TTLL12: variants seen among roughly 807,000 people sequenced by gnomAD.
TTLL12 encodes the protein tubulin--tyrosine ligase-like protein 12.
A neutral mutation model predicts 79.6 loss-of-function variants in TTLL12; 77 were observed. The ratio of observed to expected loss-of-function variants is 0.97; its 90% confidence interval spans 0.81 to 1.17. TTLL12 has a LOEUF of 1.17. Among genes scored for constraint, TTLL12 ranks in the 50% most tolerant of loss-of-function variants. The probability of loss-of-function intolerance (pLI) is 0.00; values close to 1 mark genes in which losing one functional copy is unlikely to be tolerated. For missense variants in TTLL12, 969 were observed against 895.9 expected (o/e 1.08, Z -1.04); for synonymous variants, 437 against 376.1 (o/e 1.16, Z -1.87).
chr22:43,170,050 CTT>C, intron 11 of TTLL12: 1 of 363,186 alleles, frequency 2.8e-6, no homozygotes. Context: ...GGCCTCAAGA[CTT>C]TACCCAAAAC....
At chr22:43,168,248 G>A in intron 13 of TTLL12, 89 bp from the exon 14 acceptor site, 2 of 1,534,190 alleles carry the variant, frequency 1.3e-6, no homozygotes, top group Non-Finnish European at 1.8e-6. Context: ...AAGGCTGGGA[G>A]GCCATGAACC....
intron 1 of TTLL12, among the ~76,000 whole-genome samples, chr22:43,183,897 T>C (rs1442904114): frequency 6.6e-6 from 1 of 152,266 alleles, no homozygotes; most frequent in Non-Finnish European, 1.5e-5. Context: ...CACCACTTCC[T>C]AGACAAGTGA....
At position 43,169,976 on chromosome 22, in the gene TTLL12, G is replaced by A. The variant is rs1027384351; in HGVS notation, c.1576-408C>T. On this transcript the variant is annotated intron_variant, in intron 11 of 13. Transcript: ENST00000216129. ...GAGGCAGAGCTCAAGACTCCGCCGCGGGACCTGCCTGTGCCCTGGTTCAGC... is the reference window on the plus strand; with the variant it reads ...GAGGCAGAGCTCAAGACTCCGCCGCAGGACCTGCCTGTGCCCTGGTTCAGC... The A allele has an allele frequency of 1.4e-5, 6 of 425,030 alleles. No homozygotes were observed. The East Asian group carries it at 3.5e-4, about 25-fold the overall frequency. 26.3% of individuals were successfully genotyped at this position (425,030 alleles called of 1,614,324 possible). A position where few individuals can be genotyped will look rare whatever the true frequency, so the allele number is the denominator to read the frequency against.
At chr22:43,172,630 A>AG in intron 9 of TTLL12, 76 bp from the exon 10 acceptor site, 1 of 1,549,394 alleles carries the variant, frequency 6.5e-7, no homozygotes, top group Non-Finnish European at 8.9e-7. Context: ...AAAGCCACGC[A>AG]GGGGGCACAG....
chr22:43,176,430 T>A, intron 5 of TTLL12, 34 bp from the exon 6 acceptor site: 6 of 1,564,038 alleles, frequency 3.8e-6, no homozygotes, highest in African/African-American at 1.3e-5. Context: ...AGAGATGAGG[T>A]CAAGGAAGGG....
At position 43,172,421 on chromosome 22, in the gene TTLL12, C is replaced by T; in HGVS notation, c.1475G>A (p.Trp492Ter). Residue 492 changes from tryptophan (W) to a stop codon, truncating the protein, a stop_gained, in exon 10 of 14, where the codon TGG becomes TAG. Coordinates refer to ENST00000216129, the MANE Select transcript of TTLL12 (RefSeq NM_015140.4). LOFTEE classifies it high-confidence loss of function. ...PLRLFVYDVF[W>*]LRFSNRAFAL... ...CACTTACCGGTTGGAGAACCGCAGCCAGAACACATCATACACGAACAACCG... is the reference window on the plus strand; with the variant it reads ...CACTTACCGGTTGGAGAACCGCAGCTAGAACACATCATACACGAACAACCG... 5 of 1,614,154 alleles carry T rather than the reference C, an allele frequency of 3.1e-6. No homozygotes were observed. Among genetic ancestry groups the T allele is most frequent in the Non-Finnish European group, 4.2e-6 (5 of 1,180,016 alleles).
At chr22:43,175,748 A>G (rs920158878) in intron 6 of TTLL12, 2 of 151,160 alleles carry the variant, frequency 1.3e-5, no homozygotes, top group Non-Finnish European at 2.9e-5. Flanking sequence ...AGTTCACTGC[A>G]GGCTCTGCCT....
In TTLL12 at chr22:43,172,515, G is replaced by A. The variant is rs1305488554; in HGVS notation, c.1381C>T (p.Arg461Ter). 4 of 1,614,040 alleles carry A rather than the reference G, an allele frequency of 2.5e-6. No homozygotes were observed. Among genetic ancestry groups the A allele is most frequent in the Admixed American group, 1.7e-5 (1 of 59,988 alleles). The change falls in exon 10 of 14, where the codon CGA becomes TGA. Residue 461 changes from arginine to a stop codon, truncating the protein, a stop_gained. Coordinates refer to ENST00000216129, the MANE Select transcript of TTLL12 (RefSeq NM_015140.4). LOFTEE classifies it high-confidence loss of function. The part of the protein sequence containing the change: ...KYIESPVLFL[R>*]EDVGKVKFDI... ...AACTTGACCTTTCCCACGTCTTCTCGAAGGAACAACACGGGACTTTCGATG... is the reference window on the plus strand; with the variant it reads ...AACTTGACCTTTCCCACGTCTTCTCAAAGGAACAACACGGGACTTTCGATG...
intron 3 of TTLL12, 70 bp from the exon 4 acceptor site, chr22:43,180,070 G>T: frequency 6.8e-7 from 1 of 1,472,824 alleles, no homozygotes; most frequent in Non-Finnish European, 9.0e-7. Context: ...CCGGAACCCA[G>T]ACATCGACCA....
At chr22:43,173,442 C>G (rs1032998622) in intron 9 of TTLL12, among the ~76,000 whole-genome samples, 5 of 152,210 alleles carry the variant, frequency 3.3e-5, no homozygotes, top group African/African-American at 1.2e-4. Context: ...TCCTGAGAAG[C>G]TGGGACTACA....
In TTLL12 at chr22:43,168,798, G is replaced by C; in HGVS notation, c.1759C>G (p.Leu587Val). 6.4e-7 allele frequency: 1 copy of C among 1,569,484 alleles called. No individual in the cohort carries two copies. The highest frequency in any genetic ancestry group is 2.4e-5 in the East Asian group (1 of 42,198). The stretch of plus-strand genomic sequence containing the variant: ...CCATCTGGGCCGTTGTCCCACTTCA[G>C]CATGAGGTCGACGGCATACATGGCC... ...SRAMYAVDLM[L>V]KWDNGPDGRR... is the part of the protein sequence containing the mutation. The change falls in exon 13 of 14, where the codon CTG (leucine) becomes GTG (valine). Residue 587 changes from leucine (L) to valine (V), a missense_variant. Transcript: ENST00000216129.
rs911121704 is a variant in TTLL12, at chr22:43,167,484, G to A, written c.*524C>T. The A allele has an allele frequency of 7.9e-6, 2 of 253,486 alleles. No homozygotes were observed. Among genetic ancestry groups the A allele is most frequent in the Non-Finnish European group, 7.9e-6 (1 of 126,780 alleles). 15.7% of individuals were successfully genotyped at this position (253,486 alleles called of 1,614,324 possible). On this transcript the variant is annotated 3_prime_UTR_variant, in exon 14 of 14. Transcript: ENST00000216129. ...CTGGGCCCCTGTCGCATAGAGCCCTGTGGGTGCAGTGTGGGGCCCCACAGC... is the reference window on the plus strand; with the variant it reads ...CTGGGCCCCTGTCGCATAGAGCCCTATGGGTGCAGTGTGGGGCCCCACAGC...
chr22:43,175,884 C>T (rs1931894935), intron 6 of TTLL12, among the ~76,000 whole-genome samples: 1 of 138,346 alleles, frequency 7.2e-6, no homozygotes, highest in Non-Finnish European at 1.5e-5. Context: ...GACGGGCTTT[C>T]ACCATGCTGG....
At chr22:43,180,650 G>C (rs1217523109) in intron 3 of TTLL12, 92 bp downstream of exon 3, 2 of 1,417,008 alleles carry the variant, frequency 1.4e-6, no homozygotes, top group Non-Finnish European at 2.0e-6. Context: ...GCTTGCTCTG[G>C]CCGGCCCCTC....
intron 2 of TTLL12, 89 bp downstream of exon 2, chr22:43,182,891 C>T (rs753164864): frequency 6.7e-6 from 10 of 1,486,306 alleles, no homozygotes; most frequent in East Asian, 2.4e-5. Context: ...TGTCCAGCGG[C>T]GGTGCAGGGC....
Position 43,179,997 on chromosome 22 carries a change from C to A in TTLL12, c.550G>T (p.Ala184Ser). The change falls in exon 4 of 14, where the codon GCT becomes TCT. Residue 184 changes from alanine (A) to serine (S), a missense_variant. Ala to Ser is a moderately conservative substitution (Grantham distance 99). Coordinates refer to ENST00000216129, the MANE Select transcript of TTLL12 (RefSeq NM_015140.4). ...TACCACACCGGCATCTTCTCCTCAG[C>A]TGTCTGCAGACAGAGCACATATGGC... Reference protein sequence around the residue: ...NQTYQLAHGTAEEKMPVWYIM... With the variant: ...NQTYQLAHGTSEEKMPVWYIM... 1 of 1,594,640 alleles carries A rather than the reference C, an allele frequency of 6.3e-7. No homozygotes were observed. Among genetic ancestry groups the A allele is most frequent in the Non-Finnish European group, 8.5e-7 (1 of 1,172,690 alleles).
At chr22:43,176,655 G>A (rs577972030) in intron 5 of TTLL12, among the ~76,000 whole-genome samples, 35 of 149,716 alleles carry the variant, frequency 2.3e-4, no homozygotes, top group Admixed American at 1.1e-3. Flanking sequence ...GCTTGAACCC[G>A]GGAGGCGGAG....
At chr22:43,186,058 G>T (rs1012223509) in intron 1 of TTLL12, 1 of 980,338 alleles carries the variant, frequency 1.0e-6, no homozygotes, top group East Asian at 1.1e-4. Context: ...CCAGGCTCAG[G>T]GACTCCTAGT....
chr22:43,174,071 G>A (rs1229990489), intron 8 of TTLL12, 138 bp downstream of exon 8: 4 of 1,219,660 alleles, frequency 3.3e-6, no homozygotes, highest in Non-Finnish European at 4.6e-6. Context: ...CGTGAAGACG[G>A]CCGTGACGTT....
Sources: allele counts gnomAD v4.1 joint callset (sites outside exome capture counted in the v4.1 genomes callset), GRCh38; gene constraint gnomAD v4.1.1; transcripts MANE v1.5; gene names NCBI Gene and HGNC (gene_info 2026-07-23, HGNC 2026-07-21).